Variants in CTNNA2 observed in about 807,000 individuals in gnomAD.
The protein encoded by CTNNA2 is catenin alpha 2, also known as catenin alpha-2.
CTNNA2 carries 42 observed loss-of-function variants against 101.0 expected under a neutral mutation model. The ratio of observed to expected loss-of-function variants is 0.42; its 90% confidence interval spans 0.32 to 0.54. The LOEUF is 0.54. Ranked by LOEUF, CTNNA2 falls within the 20% of genes least tolerant of loss-of-function variation. The pLI is 0.14. For synonymous variants in CTNNA2, 450 were observed against 456.4 expected (o/e 0.99, Z 0.18); for missense variants, 871 against 1,223.1 (o/e 0.71, Z 4.29).
intron 1 of CTNNA2, among the ~76,000 whole-genome samples, chr2:79,611,730 C>G (rs1248662982): frequency 6.6e-6 from 1 of 152,038 alleles, no homozygotes; most frequent in East Asian, 1.9e-4. Context: ...CAGCTAGTCT[C>G]TTTTTTAGTC....
chr2:80,173,057 C>G (rs575506015), intron 7 of CTNNA2, among the ~76,000 whole-genome samples: 1 of 152,136 alleles, frequency 6.6e-6, no homozygotes, highest in Non-Finnish European at 1.5e-5. Flanking sequence ...GAATCAGAAC[C>G]TGTACTTATA....
intron 18 of CTNNA2, among the ~76,000 whole-genome samples, chr2:80,628,651 C>T (rs1217651930): frequency 6.6e-6 from 1 of 152,006 alleles, no homozygotes; most frequent in Non-Finnish European, 1.5e-5. Context: ...GTTCCGCAAA[C>T]AGTTTAAAAG....
At chr2:80,359,882 A>T (rs975009439) in intron 7 of CTNNA2, among the ~76,000 whole-genome samples, 2 of 152,146 alleles carry the variant, frequency 1.3e-5, no homozygotes, top group Non-Finnish European at 2.9e-5. Context: ...TTATATTTCC[A>T]TATCAATTTA....
chr2:79,726,267 G>T (rs887561775), intron 2 of CTNNA2, among the ~76,000 whole-genome samples: 1 of 152,118 alleles, frequency 6.6e-6, no homozygotes, highest in African/African-American at 2.4e-5. Context: ...TAATATATAT[G>T]TTATATTTCA....
At chr2:80,533,607 G>C (rs1410453011) in intron 9 of CTNNA2, among the ~76,000 whole-genome samples, 1 of 152,176 alleles carries the variant, frequency 6.6e-6, no homozygotes, top group Non-Finnish European at 1.5e-5. Context: ...GGATGGTTCA[G>C]TGCAGCCCTC....
chr2:79,772,008 C>A (rs1673624633), intron 3 of CTNNA2, among the ~76,000 whole-genome samples: 1 of 149,806 alleles, frequency 6.7e-6, no homozygotes, highest in South Asian at 2.2e-4. Flanking sequence ...CTCCTCCCCT[C>A]CCCTCCTCTC....
At chr2:79,897,668 T>A (rs1684809197) in intron 6 of CTNNA2, among the ~76,000 whole-genome samples, 1 of 152,184 alleles carries the variant, frequency 6.6e-6, no homozygotes, top group African/African-American at 2.4e-5. Context: ...TGGAGCCAGG[T>A]TTCTAATCCA....
At chr2:80,026,081 C>G (rs564477501) in intron 7 of CTNNA2, among the ~76,000 whole-genome samples, 2 of 152,036 alleles carry the variant, frequency 1.3e-5, no homozygotes, top group Non-Finnish European at 2.9e-5. Flanking sequence ...AGATGAGGTT[C>G]TTGGGGAAGA....
At position 80,303,924 on chromosome 2, in the gene CTNNA2, G is replaced by T; in HGVS notation, c.1057-89287G>T. The T allele has an allele frequency of 1.5e-6, 2 of 1,342,252 alleles. No individual in the cohort carries two copies. The highest frequency in any genetic ancestry group is 9.8e-7 in the Non-Finnish European group (1 of 1,017,826). 83.1% of individuals were successfully genotyped at this position (1,342,252 alleles called of 1,614,324 possible). On this transcript the variant is annotated intron_variant, in intron 7 of 18. Transcript: ENST00000402739. The surrounding 1 kb of genome is among the most constrained non-coding windows in gnomAD (Gnocchi z 7.7). ...AGGGAGGGGAAGCGGGGGAGGGGGA[G>T]AAAAGGGCAAAAAATCAAATAAATA...
intron 2 of CTNNA2, among the ~76,000 whole-genome samples, chr2:79,710,176 G>T (rs1012244070): frequency 2.0e-5 from 3 of 151,758 alleles, no homozygotes; most frequent in Admixed American, 6.6e-5. Flanking sequence ...TTAATTCTGA[G>T]TAGTTACATT....
chr2:80,604,429 G>A (rs1697826425), intron 16 of CTNNA2, among the ~76,000 whole-genome samples: 1 of 151,804 alleles, frequency 6.6e-6, no homozygotes, highest in East Asian at 1.9e-4. Flanking sequence ...TACTACTTAG[G>A]AGACATCAGC....
At chr2:79,622,892 G>A (rs1435585824) in intron 1 of CTNNA2, among the ~76,000 whole-genome samples, 3 of 152,124 alleles carry the variant, frequency 2.0e-5, no homozygotes, top group African/African-American at 7.2e-5. Context: ...ATAGTACTTT[G>A]AATAATAGAA....
chr2:80,419,612 A>C lies in CTNNA2; in HGVS notation c.1290+11A>C. The stretch of plus-strand genomic sequence containing the variant: ...AACAAACTGGTAGAGGTAAGTGTGG[A>C]GGGGCCTGAAGACTAGAGTTTACCG... On this transcript the variant is annotated intron_variant, in intron 9 of 18. Coordinates refer to ENST00000402739, the MANE Select transcript of CTNNA2 (RefSeq NM_001282597.3). 6.2e-7 allele frequency: 1 copy of C among 1,613,218 alleles called. No individual in the cohort carries two copies. The highest frequency in any genetic ancestry group is 8.5e-7 in the Non-Finnish European group (1 of 1,179,422).
intron 4 of CTNNA2, among the ~76,000 whole-genome samples, chr2:79,421,909 G>A (rs2104502583): frequency 6.6e-6 from 1 of 152,256 alleles, no homozygotes; most frequent in Non-Finnish European, 1.5e-5. Context: ...GAAGTATAGA[G>A]CCCATAAGAT....
chr2:79,471,858 T>G (rs974818659), intron 4 of CTNNA2, among the ~76,000 whole-genome samples: 1 of 151,894 alleles, frequency 6.6e-6, no homozygotes, highest in Non-Finnish European at 1.5e-5. Context: ...AAAAAAAGAT[T>G]TTAACATATC....
chr2:80,449,251 A>G (rs1052695228), intron 9 of CTNNA2, among the ~76,000 whole-genome samples: 2 of 152,086 alleles, frequency 1.3e-5, no homozygotes, highest in Non-Finnish European at 2.9e-5. Flanking sequence ...ACTGCACTCC[A>G]GCCTGGATGA....
At chr2:79,447,561 G>A (rs986700669) in intron 4 of CTNNA2, among the ~76,000 whole-genome samples, 7 of 152,028 alleles carry the variant, frequency 4.6e-5, no homozygotes, top group Non-Finnish European at 8.8e-5. Flanking sequence ...TAAGCACAGA[G>A]CCTCCTAATG....
At position 79,617,375 on chromosome 2, in the gene CTNNA2, G is replaced by A. The variant is rs1678697445; in HGVS notation, c.-5-34177G>A. Among the ~76,000 whole-genome samples the A allele has an allele frequency of 1.3e-5, 2 of 151,908 alleles. 1 individual carries two copies. Among genetic ancestry groups the A allele is most frequent in the South Asian group, 4.1e-4 (2 of 4,820 alleles). ...GCTTTCATTTTTGGAATTCTTGTTA[G>A]CTACTTAATTTACTGTCTTTTAAAT... On this transcript the variant is annotated intron_variant, in intron 1 of 18. Transcript: ENST00000402739.
intron 12 of CTNNA2, among the ~76,000 whole-genome samples, chr2:80,557,986 G>T (rs971543790): frequency 6.6e-6 from 1 of 152,048 alleles, no homozygotes. Context: ...TTAACTAAAG[G>T]CACCTTTCTT....
Sources: gnomAD v4.1 joint callset for allele counts (sites outside exome capture counted in the v4.1 genomes callset) on GRCh38, gnomAD v4.1.1 for gene constraint, Gnocchi (gnomAD v3.1) non-coding constraint, MANE v1.5 for transcripts, NCBI Gene and HGNC (gene_info 2026-07-23, HGNC 2026-07-21) for gene names.